The following FBXW11 variants were observed in gnomAD, a reference collection of about 807,000 sequenced individuals.
FBXW11 encodes the protein F-box and WD repeat domain containing 11.
A neutral mutation model predicts 77.6 loss-of-function variants in FBXW11; 19 were observed. The observed-to-expected ratio is 0.24, with a 90% CI of 0.17 to 0.36. The LOEUF (loss-of-function observed/expected upper bound fraction) is 0.36, where lower values mean the gene tolerates loss of function less well. Among genes scored for constraint, FBXW11 ranks in the 10% least tolerant of loss-of-function variants. The pLI, the probability that FBXW11 is intolerant of heterozygous loss-of-function variation, is 1.00. For synonymous variants in FBXW11, 235 were observed against 249.4 expected (o/e 0.94, Z 0.54); for missense variants, 334 against 704.2 (o/e 0.47, Z 5.95).
rs529078139 is a variant in FBXW11, at chr5:171,929,812, A to G, written c.148-15407T>C. ...GGTTGCAGAGAGCCAAGATCGCACCACTGCGCTCCAGCCTAGGCGAGAGAG... is the reference window on the plus strand; with the variant it reads ...GGTTGCAGAGAGCCAAGATCGCACCGCTGCGCTCCAGCCTAGGCGAGAGAG... On this transcript the variant is annotated intron_variant, in intron 2 of 13. Transcript: ENST00000517395. Among the ~76,000 whole-genome samples, 26 of 152,342 alleles carry G rather than the reference A, an allele frequency of 1.7e-4. No individual in the cohort carries two copies. The East Asian group carries it at 4.0e-3, about 24-fold the overall frequency.
At chr5:171,894,742 C>A (rs1030166636) in intron 6 of FBXW11, among the ~76,000 whole-genome samples, 2 of 150,832 alleles carry the variant, frequency 1.3e-5, no homozygotes, top group Non-Finnish European at 2.9e-5. Flanking sequence ...TGGCAGGTAG[C>A]CCACTGTGGT....
chr5:171,952,728 G>A (rs1763411528), intron 2 of FBXW11, among the ~76,000 whole-genome samples: 1 of 151,572 alleles, frequency 6.6e-6, no homozygotes, highest in African/African-American at 2.4e-5. Context: ...GGGATTACTG[G>A]CGTGAGCCAC....
At chr5:171,937,138 A>G (rs1237309212) in intron 2 of FBXW11, among the ~76,000 whole-genome samples, 1 of 152,206 alleles carries the variant, frequency 6.6e-6, no homozygotes, top group Non-Finnish European at 1.5e-5. Context: ...GTTCTCCCTA[A>G]TTTATAAGTT....
intron 13 of FBXW11, chr5:171,867,929 C>T (rs1021936457): frequency 2.6e-5 from 4 of 152,162 alleles, no homozygotes; most frequent in African/African-American, 9.7e-5. Flanking sequence ...AATACTGTTC[C>T]TAAGTCATCA....
At chr5:171,870,642 G>A in intron 11 of FBXW11, 106 bp downstream of exon 11, 1 of 793,532 alleles carries the variant, frequency 1.3e-6, no homozygotes, top group Admixed American at 2.4e-5. Context: ...CCATTACACA[G>A]AAACCTACCA....
rs1459256874 is a variant in FBXW11 at position 171,861,603 on chromosome 5, T to G, written c.*2524A>C. On this transcript the variant is annotated 3_prime_UTR_variant, in exon 14 of 14. Coordinates refer to ENST00000517395, the MANE Select transcript of FBXW11 (RefSeq NM_001378974.1). Reference sequence around the variant, plus strand: ...ATTGGCTTTGAATCAGTAGCTGAAGTAACAATTGCATGAAGCCAGATTAGG... The same window carrying G: ...ATTGGCTTTGAATCAGTAGCTGAAGGAACAATTGCATGAAGCCAGATTAGG... The G allele has an allele frequency of 6.6e-6, 1 of 152,660 alleles. No individual in the cohort carries two copies. Among genetic ancestry groups the G allele is most frequent in the African/African-American group, 2.4e-5 (1 of 41,452 alleles). The allele number at this position is 152,660 out of a possible 1,614,324, so 9.5% of individuals were successfully genotyped here.
chr5:171,911,924 A>G (rs1760908044), intron 3 of FBXW11, among the ~76,000 whole-genome samples: 1 of 152,258 alleles, frequency 6.6e-6, no homozygotes, highest in Non-Finnish European at 1.5e-5. Flanking sequence ...CAAGCTATCT[A>G]TTGACCACTA....
At chr5:171,997,748 TTC>T (rs1190821229) in intron 1 of FBXW11, among the ~76,000 whole-genome samples, 3 of 152,212 alleles carry the variant, frequency 2.0e-5, no homozygotes, top group African/African-American at 7.2e-5. Flanking sequence ...TATATCAATA[TTC>T]TTTTTCTACC....
intron 2 of FBXW11, chr5:171,916,575 CT>C: frequency 1.7e-5 from 8 of 467,136 alleles, no homozygotes; most frequent in Non-Finnish European, 2.2e-5. Context: ...TTATGGAGGT[CT>C]CTCCATGTAA....
chr5:171,975,565 G>C (rs1250355404), intron 1 of FBXW11, among the ~76,000 whole-genome samples: 4 of 152,188 alleles, frequency 2.6e-5, no homozygotes, highest in Non-Finnish European at 5.9e-5. Flanking sequence ...TAAGTAAAAT[G>C]TAAGTAAATA....
At chr5:171,881,895 C>T (rs993627682) in intron 7 of FBXW11, among the ~76,000 whole-genome samples, 4 of 152,118 alleles carry the variant, frequency 2.6e-5, no homozygotes, top group Non-Finnish European at 2.9e-5. Context: ...ATTCATTTAA[C>T]GCTCATGAGA....
chr5:171,971,449 CCT>C (rs528613117), intron 1 of FBXW11, among the ~76,000 whole-genome samples: 30 of 152,264 alleles, frequency 2.0e-4, no homozygotes, highest in African/African-American at 5.3e-4. Context: ...TAACTTTACC[CCT>C]GACTTCATCT....
intron 2 of FBXW11, among the ~76,000 whole-genome samples, chr5:171,930,829 G>A (rs1358324975): frequency 6.7e-6 from 1 of 149,402 alleles, no homozygotes; most frequent in Non-Finnish European, 1.5e-5. Context: ...AGTGATTATG[G>A]CAGATCTGCA....
chr5:171,960,815 T>C (rs192944941), intron 1 of FBXW11, among the ~76,000 whole-genome samples: 7 of 152,280 alleles, frequency 4.6e-5, no homozygotes, highest in Admixed American at 1.3e-4. Flanking sequence ...AAATTTTCAG[T>C]GAACTTGATT....
Position 172,006,546 on chromosome 5 carries a change from A to G in FBXW11, c.-44T>C. On this transcript the variant is annotated 5_prime_UTR_variant, in exon 1 of 14. Coordinates refer to ENST00000517395, the MANE Select transcript of FBXW11 (RefSeq NM_001378974.1). ...GCCTCGCTCTCCCCGCGCAGCAGCG[A>G]ACGGCCCGGGCGGAGGAGGCGACGG... The G allele has an allele frequency of 6.7e-7, 1 of 1,481,726 alleles. No individual in the cohort carries two copies. Among genetic ancestry groups the G allele is most frequent in the South Asian group, 1.3e-5 (1 of 76,722 alleles). 91.8% of individuals were successfully genotyped at this position (1,481,726 alleles called of 1,614,324 possible). A position where few individuals can be genotyped will look rare whatever the true frequency, so the allele number is the denominator to read the frequency against.
At chr5:171,887,790 T>C (rs1759017992) in intron 7 of FBXW11, among the ~76,000 whole-genome samples, 4 of 152,090 alleles carry the variant, frequency 2.6e-5, no homozygotes. Context: ...CCCGAGTATC[T>C]GGGATTACAG....
chr5:171,918,638 C>T lies in FBXW11; in HGVS notation c.148-4233G>A, dbSNP rs928304883. Among the ~76,000 whole-genome samples the T allele has an allele frequency of 4.6e-5, 7 of 152,170 alleles. No homozygotes were observed. In the South Asian group the frequency reaches 1.4e-3, roughly 31 times the overall value. ...ACGTAAATAGATTACAATGCAGACC[C>T]TCCTATTATTCTGATACTACTACCA... On this transcript the variant is annotated intron_variant, in intron 2 of 13. Coordinates refer to ENST00000517395, the MANE Select transcript of FBXW11 (RefSeq NM_001378974.1).
At chr5:171,969,584 C>A (rs2113408696) in intron 1 of FBXW11, among the ~76,000 whole-genome samples, 1 of 152,288 alleles carries the variant, frequency 6.6e-6, no homozygotes, top group South Asian at 2.1e-4. Context: ...AGCCATATTG[C>A]TTAAATTATT....
intron 1 of FBXW11, among the ~76,000 whole-genome samples, chr5:171,970,365 C>T (rs966242780): frequency 6.6e-6 from 1 of 152,106 alleles, no homozygotes; most frequent in African/African-American, 2.4e-5. Flanking sequence ...TGCCTGCTTC[C>T]CCTTCCACCA....
Sources: gnomAD v4.1 joint callset for allele counts (sites outside exome capture counted in the v4.1 genomes callset) on GRCh38, gnomAD v4.1.1 for gene constraint, MANE v1.5 for transcripts, NCBI Gene and HGNC (gene_info 2026-07-23, HGNC 2026-07-21) for gene names.